Variants in NDUFAF2 observed in about 807,000 individuals in gnomAD.
NDUFAF2 encodes NADH:ubiquinone oxidoreductase complex assembly factor 2, also known as NADH dehydrogenase [ubiquinone] 1 alpha subcomplex assembly factor 2.
In NDUFAF2, 13 loss-of-function variants were observed where a neutral mutation model predicts 22.8. That is an observed-to-expected ratio of 0.57 (90% CI 0.37 to 0.91). The LOEUF (loss-of-function observed/expected upper bound fraction) is 0.91, where lower values mean the gene tolerates loss of function less well. Ranked by LOEUF, NDUFAF2 falls within the 40% of genes least tolerant of loss-of-function variation. The pLI, the probability that NDUFAF2 is intolerant of heterozygous loss-of-function variation, is 0.01. For synonymous variants in NDUFAF2, 53 were observed against 64.2 expected (o/e 0.83, Z 0.84); for missense variants, 162 against 195.2 (o/e 0.83, Z 1.01).
At position 61,092,256 on chromosome 5, in the gene NDUFAF2, C is replaced by T. The variant is rs114406535; in HGVS notation, c.218-6736C>T. Among the ~76,000 whole-genome samples, 837 of 152,062 alleles carry T rather than the reference C, an allele frequency of 5.5e-3. 9 individuals carry two copies. Among genetic ancestry groups the T allele is most frequent in the African/African-American group, 0.019 (793 of 41,488 alleles). On this transcript the variant is annotated intron_variant, in intron 2 of 3. Coordinates refer to ENST00000296597, the MANE Select transcript of NDUFAF2 (RefSeq NM_174889.5). Reference sequence around the variant, plus strand: ...TATTTTTTTCTAGTTCTGTGAAGAACGTCAATGGTAATTTAATGGGAATAG... The same window carrying T: ...TATTTTTTTCTAGTTCTGTGAAGAATGTCAATGGTAATTTAATGGGAATAG...
At chr5:60,974,813 G>GTTTA (rs960450934) in intron 1 of NDUFAF2, among the ~76,000 whole-genome samples, 14 of 151,890 alleles carry the variant, frequency 9.2e-5, no homozygotes, top group African/African-American at 1.4e-4. Context: ...TTGTTTATTT[G>GTTTA]TTTATTTATT....
At chr5:61,113,252 T>G (rs1315652584) in intron 3 of NDUFAF2, among the ~76,000 whole-genome samples, 1 of 152,228 alleles carries the variant, frequency 6.6e-6, no homozygotes, top group African/African-American at 2.4e-5. Flanking sequence ...CTAGTGAGTT[T>G]GTTACCTTCA....
intron 1 of NDUFAF2, among the ~76,000 whole-genome samples, chr5:60,958,961 G>A (rs979220992): frequency 1.3e-5 from 2 of 152,052 alleles, no homozygotes; most frequent in Non-Finnish European, 2.9e-5. Context: ...AAGATACCCA[G>A]TCATAAGGAT....
chr5:61,104,454 A>G (rs1363941459), intron 3 of NDUFAF2, among the ~76,000 whole-genome samples: 1 of 152,108 alleles, frequency 6.6e-6, no homozygotes, highest in Admixed American at 6.6e-5. Flanking sequence ...CATTTTTAAT[A>G]TACATACTCC....
chr5:60,959,714 T>A (rs562707500), intron 1 of NDUFAF2, among the ~76,000 whole-genome samples: 6 of 152,098 alleles, frequency 3.9e-5, no homozygotes, highest in Non-Finnish European at 8.8e-5. Context: ...CTTTGTTGAC[T>A]ATAAAATAGT....
chr5:61,112,888 C>CTTTTTTTTT (rs35786013), intron 3 of NDUFAF2, among the ~76,000 whole-genome samples: 1 of 141,150 alleles, frequency 7.1e-6, no homozygotes, highest in South Asian at 2.2e-4. Flanking sequence ...TTAGTTTATT[C>CTTTTTTTTT]TTTTTTTTTT....
intron 3 of NDUFAF2, among the ~76,000 whole-genome samples, chr5:61,152,105 A>G (rs904753906): frequency 2.0e-5 from 3 of 152,174 alleles, no homozygotes; most frequent in Non-Finnish European, 4.4e-5. Flanking sequence ...CAGATTTGAG[A>G]AAGTATTTCC....
chr5:61,094,539 A>G (rs1464494381), intron 2 of NDUFAF2, among the ~76,000 whole-genome samples: 16 of 152,192 alleles, frequency 1.1e-4, no homozygotes. Context: ...TGGAGAGGTG[A>G]TGTGGTCATT....
intron 3 of NDUFAF2, among the ~76,000 whole-genome samples, chr5:61,110,541 C>G (rs1752827248): frequency 6.6e-6 from 1 of 151,968 alleles, no homozygotes; most frequent in Non-Finnish European, 1.5e-5. Flanking sequence ...CTTTATGGTT[C>G]AATCTCAGTA....
At chr5:61,110,766 T>C (rs746244385) in intron 3 of NDUFAF2, among the ~76,000 whole-genome samples, 1 of 152,082 alleles carries the variant, frequency 6.6e-6, no homozygotes, top group African/African-American at 2.4e-5. Flanking sequence ...AAAATGACTT[T>C]TCTTGTTGTT....
intron 3 of NDUFAF2, among the ~76,000 whole-genome samples, chr5:61,111,232 G>C (rs1051858182): frequency 6.6e-6 from 1 of 152,118 alleles, no homozygotes; most frequent in African/African-American, 2.4e-5. Flanking sequence ...GTGGCCTAAC[G>C]TATAGTCTGT....
At chr5:61,145,388 C>A (rs1275951503) in intron 3 of NDUFAF2, among the ~76,000 whole-genome samples, 1 of 152,014 alleles carries the variant, frequency 6.6e-6, no homozygotes, top group Non-Finnish European at 1.5e-5. Context: ...TAATCTAATC[C>A]TTCACAAACA....
chr5:61,107,360 T>C (rs994079793), intron 3 of NDUFAF2, among the ~76,000 whole-genome samples: 3 of 151,592 alleles, frequency 2.0e-5, no homozygotes, highest in South Asian at 4.1e-4. Context: ...CTTTTTCATA[T>C]ACCTGTTTGC....
At chr5:61,056,943 T>C (rs1752107808) in intron 1 of NDUFAF2, among the ~76,000 whole-genome samples, 1 of 121,622 alleles carries the variant, frequency 8.2e-6, no homozygotes, top group Admixed American at 8.7e-5. Flanking sequence ...TATATATATA[T>C]ATATATATAT....
At chr5:61,095,475 G>A (rs565989374) in intron 2 of NDUFAF2, among the ~76,000 whole-genome samples, 3 of 152,322 alleles carry the variant, frequency 2.0e-5, no homozygotes, top group South Asian at 4.1e-4. Flanking sequence ...GTGGAAGTGG[G>A]GCCTGCGGAC....
At chr5:60,966,054 T>C (rs894553186) in intron 1 of NDUFAF2, among the ~76,000 whole-genome samples, 3 of 152,184 alleles carry the variant, frequency 2.0e-5, no homozygotes, top group Admixed American at 6.5e-5. Flanking sequence ...TTTTTGATAC[T>C]AGCCATTCGA....
intron 1 of NDUFAF2, among the ~76,000 whole-genome samples, chr5:61,051,085 C>T (rs768125561): frequency 6.6e-6 from 1 of 152,152 alleles, no homozygotes; most frequent in Non-Finnish European, 1.5e-5. Context: ...TACAGAGTAG[C>T]ATATATTCAA....
At chr5:61,123,287 T>C (rs574917466) in intron 3 of NDUFAF2, among the ~76,000 whole-genome samples, 2 of 152,324 alleles carry the variant, frequency 1.3e-5, no homozygotes, top group South Asian at 2.1e-4. Flanking sequence ...TGTCACTTGA[T>C]GACAGGTAGG....
At chr5:61,017,855 T>A (rs1218350067) in intron 1 of NDUFAF2, among the ~76,000 whole-genome samples, 1 of 152,070 alleles carries the variant, frequency 6.6e-6, no homozygotes, top group African/African-American at 2.4e-5. Flanking sequence ...GTTCAAGAGA[T>A]TCTTGTGCCT....
Sources: gnomAD v4.1 joint callset for allele counts (sites outside exome capture counted in the v4.1 genomes callset) on GRCh38, gnomAD v4.1.1 for gene constraint, MANE v1.5 for transcripts, NCBI Gene and HGNC (gene_info 2026-07-23, HGNC 2026-07-21) for gene names.